SHLD1: variants seen among roughly 807,000 people sequenced by gnomAD.
SHLD1 encodes shieldin complex subunit 1.
Under a neutral mutation model 5.5 loss-of-function variants are expected in SHLD1, and 3 were observed. The ratio of observed to expected loss-of-function variants is 0.54; its 90% CI spans 0.25 to 1.40. SHLD1 has a LOEUF of 1.40. Ranked by LOEUF, SHLD1 falls within the 40% of genes most tolerant of loss-of-function variation. The pLI, the probability that SHLD1 is intolerant of heterozygous loss-of-function variation, is 0.15. For missense variants in SHLD1, 210 were observed against 244.4 expected (o/e 0.86, Z 0.94); for synonymous variants, 92 against 94.3 (o/e 0.98, Z 0.14).
At chr20:5,777,340 T>A (rs1985477356) in intron 2 of SHLD1, among the ~76,000 whole-genome samples, 1 of 152,050 alleles carries the variant, frequency 6.6e-6, no homozygotes, top group South Asian at 2.1e-4. Flanking sequence ...TGGAAATCAT[T>A]CCCATTTAAT....
At chr20:5,754,028 G>A (rs1400452925) in intron 1 of SHLD1, among the ~76,000 whole-genome samples, 1 of 152,218 alleles carries the variant, frequency 6.6e-6, no homozygotes, top group Non-Finnish European at 1.5e-5. Flanking sequence ...CGCTTCAGAA[G>A]TGCTGGGATT....
intron 2 of SHLD1, among the ~76,000 whole-genome samples, chr20:5,834,269 C>T (rs912009038): frequency 1.3e-5 from 2 of 152,150 alleles, no homozygotes; most frequent in South Asian, 2.1e-4. Context: ...AGTGGGTTCT[C>T]CTATCCTGTG....
At chr20:5,785,116 A>C (rs2087041808) in intron 2 of SHLD1, among the ~76,000 whole-genome samples, 1 of 152,146 alleles carries the variant, frequency 6.6e-6, no homozygotes, top group South Asian at 2.1e-4. Context: ...TCAATCCCAA[A>C]GACCGTAGGC....
At chr20:5,810,258 GAA>G (rs113215634) in intron 2 of SHLD1, among the ~76,000 whole-genome samples, 1 of 143,758 alleles carries the variant, frequency 7.0e-6, no homozygotes, top group Non-Finnish European at 1.5e-5. Flanking sequence ...CTCTGTCTCG[GAA>G]AAAAAAAAAA....
chr20:5,754,436 C>T (rs1983945494), intron 1 of SHLD1, among the ~76,000 whole-genome samples: 2 of 152,076 alleles, frequency 1.3e-5, no homozygotes, highest in African/African-American at 4.8e-5. Context: ...AACATTAATG[C>T]TGGTCATTTG....
chr20:5,776,787 G>A lies in SHLD1; in HGVS notation c.178+3744G>A, dbSNP rs11906496. 5.4e-3 allele frequency among the ~76,000 whole-genome samples: 821 copies of A among 151,724 alleles called. 7 individuals are homozygous for A. Among genetic ancestry groups the A allele is most frequent in the African/African-American group, 0.019 (777 of 41,360 alleles). On this transcript the variant is annotated intron_variant, in intron 2 of 2. Coordinates refer to ENST00000303142, the MANE Select transcript of SHLD1 (RefSeq NM_152504.4). ...CAAAAATAATAATAATAATAAATAAGTAAGCATAAAAAAAAAGCATTCACA... is the reference window on the plus strand; with the variant it reads ...CAAAAATAATAATAATAATAAATAAATAAGCATAAAAAAAAAGCATTCACA...
intron 2 of SHLD1, among the ~76,000 whole-genome samples, chr20:5,780,760 G>A (rs9679965): frequency 0.2 from 29,653 of 152,066 alleles, 3,077 homozygotes; most frequent in Non-Finnish European, 0.23. Context: ...TTCATCTCAG[G>A]ATTGCTCCTC....
At chr20:5,815,456 A>G (rs2087517152) in intron 2 of SHLD1, among the ~76,000 whole-genome samples, 1 of 152,216 alleles carries the variant, frequency 6.6e-6, no homozygotes, top group Non-Finnish European at 1.5e-5. Context: ...TGATGTGTAA[A>G]TAAGACCATA....
intron 1 of SHLD1, among the ~76,000 whole-genome samples, chr20:5,755,851 G>A (rs555117494): frequency 6.6e-6 from 1 of 152,138 alleles, no homozygotes; most frequent in Non-Finnish European, 1.5e-5. Flanking sequence ...GGGCCACCAC[G>A]TCTGGCGGGA....
intron 1 of SHLD1, among the ~76,000 whole-genome samples, chr20:5,753,127 G>GT (rs1292295817): frequency 6.6e-6 from 1 of 152,058 alleles, no homozygotes; most frequent in Non-Finnish European, 1.5e-5. Context: ...TTCATTCAGG[G>GT]TTTGCTATCT....
rs2134712 is a variant in SHLD1 at position 5,842,932 on chromosome 20, C to A, written c.179-20092C>A. 6.0e-3 allele frequency among the ~76,000 whole-genome samples: 906 copies of A among 152,178 alleles called. 8 individuals are homozygous for A. Among genetic ancestry groups the A allele is most frequent in the African/African-American group, 0.019 (809 of 41,516 alleles). On this transcript the variant is annotated intron_variant, in intron 2 of 2. Coordinates refer to ENST00000303142, the MANE Select transcript of SHLD1 (RefSeq NM_152504.4). Reference sequence around the variant, plus strand: ...AAACTTTCAACTTCCCATTTTATTTCTTTAACATATTAAGCATATTTGCCT... The same window carrying A: ...AAACTTTCAACTTCCCATTTTATTTATTTAACATATTAAGCATATTTGCCT...
At chr20:5,837,472 C>T (rs757954147) in intron 2 of SHLD1, among the ~76,000 whole-genome samples, 1 of 152,046 alleles carries the variant, frequency 6.6e-6, no homozygotes, top group Non-Finnish European at 1.5e-5. Context: ...CACACACCCC[C>T]CACCTCCAAC....
At chr20:5,782,267 G>T (rs980975164) in intron 2 of SHLD1, among the ~76,000 whole-genome samples, 2 of 152,088 alleles carry the variant, frequency 1.3e-5, no homozygotes, top group African/African-American at 4.8e-5. Context: ...AGAAACAGAT[G>T]ATCTTGGTTA....
chr20:5,782,168 C>A (rs1222480454), intron 2 of SHLD1, among the ~76,000 whole-genome samples: 1 of 152,194 alleles, frequency 6.6e-6, no homozygotes, highest in African/African-American at 2.4e-5. Flanking sequence ...TGGACTTGAA[C>A]ACCCTGTCTG....
intron 1 of SHLD1, among the ~76,000 whole-genome samples, chr20:5,770,979 T>A (rs1470260707): frequency 6.6e-6 from 1 of 152,216 alleles, no homozygotes; most frequent in Non-Finnish European, 1.5e-5. Context: ...GAACCATTGA[T>A]ACATTGGTGG....
At chr20:5,840,954 A>C (rs554931718) in intron 2 of SHLD1, among the ~76,000 whole-genome samples, 2 of 152,332 alleles carry the variant, frequency 1.3e-5, no homozygotes, top group South Asian at 2.1e-4. Context: ...GGCCTTAGTC[A>C]ATGGAACACC....
rs574623965 is a variant in SHLD1, at chr20:5,798,549, G to A, written c.178+25506G>A. 8.6e-4 allele frequency among the ~76,000 whole-genome samples: 128 copies of A among 149,136 alleles called. 1 individual carries two copies. Among genetic ancestry groups the A allele is most frequent in the Admixed American group, 2.3e-3 (35 of 14,936 alleles). ...AATCTCCTGACCTTGTGATCCGCCC[G>A]CCTCGGCCTCCCAAAGTGCTGGGAT... is the stretch of plus-strand genomic sequence containing the variant. On this transcript the variant is annotated intron_variant, in intron 2 of 2. Coordinates refer to ENST00000303142, the MANE Select transcript of SHLD1 (RefSeq NM_152504.4).
At chr20:5,782,294 G>A (rs971153005) in intron 2 of SHLD1, among the ~76,000 whole-genome samples, 4 of 152,092 alleles carry the variant, frequency 2.6e-5, no homozygotes, top group Admixed American at 2.6e-4. Context: ...TCAAAAGCAA[G>A]ATCACAAAGG....
chr20:5,810,544 A>G (rs1254335429), intron 2 of SHLD1, among the ~76,000 whole-genome samples: 1 of 152,092 alleles, frequency 6.6e-6, no homozygotes, highest in Non-Finnish European at 1.5e-5. Context: ...GATAAGGATG[A>G]ACAGTAGGTA....
Sources: allele counts gnomAD v4.1 joint callset (sites outside exome capture counted in the v4.1 genomes callset), GRCh38; gene constraint gnomAD v4.1.1; transcripts MANE v1.5; gene names NCBI Gene and HGNC (gene_info 2026-07-23, HGNC 2026-07-21).